The following CHCHD6 variants were observed in gnomAD, a reference collection of about 807,000 sequenced individuals.
CHCHD6 encodes the protein coiled-coil-helix-coiled-coil-helix domain containing 6.
A neutral mutation model predicts 32.3 loss-of-function variants in CHCHD6; 28 were observed. That is an observed-to-expected ratio of 0.87 (90% CI 0.64 to 1.19). The LOEUF (loss-of-function observed/expected upper bound fraction) is 1.19, where lower values mean the gene tolerates loss of function less well. Ranked by LOEUF, CHCHD6 falls within the 50% of genes most tolerant of loss-of-function variation. The pLI is 0.00. For synonymous variants in CHCHD6, 122 were observed against 117.5 expected, an observed-to-expected ratio of 1.04 and a Z score of -0.25; for missense variants, 333 against 307.0, an observed-to-expected ratio of 1.08 and a Z score of -0.63.
intron 4 of CHCHD6, among the ~76,000 whole-genome samples, chr3:126,761,652 A>G (rs1050207914): frequency 6.6e-6 from 1 of 151,918 alleles, no homozygotes; most frequent in African/African-American, 2.4e-5. Context: ...GTCTCAAACT[A>G]TTGGCTTTAA....
intron 6 of CHCHD6, among the ~76,000 whole-genome samples, chr3:126,936,762 C>T (rs1037853211): frequency 3.9e-5 from 6 of 152,152 alleles, no homozygotes; most frequent in African/African-American, 1.4e-4. Context: ...ACCATGTTGG[C>T]CAGGCTGGTC....
At chr3:126,764,423 C>T (rs1362964632) in intron 4 of CHCHD6, among the ~76,000 whole-genome samples, 3 of 152,062 alleles carry the variant, frequency 2.0e-5, no homozygotes, top group Admixed American at 6.6e-5. Flanking sequence ...GAGTACAAGA[C>T]GACCTTCCCC....
In CHCHD6 at chr3:126,798,204, G is replaced by A. The variant is rs556138554; in HGVS notation, c.412-54443G>A. 7.3e-4 allele frequency among the ~76,000 whole-genome samples: 111 copies of A among 152,284 alleles called. 1 individual carries two copies. Among genetic ancestry groups the A allele is most frequent in the Non-Finnish European group, 1.4e-3 (95 of 68,030 alleles). ...GGCCACTCGGGCTTCCTGGGCCAGG[G>A]TGTGAGAGGAGTGCTGAGTAGTGAG... On this transcript the variant is annotated intron_variant, in intron 4 of 7. Coordinates refer to ENST00000290913, the MANE Select transcript of CHCHD6 (RefSeq NM_032343.3).
At chr3:126,951,873 A>G (rs996363083) in intron 6 of CHCHD6, among the ~76,000 whole-genome samples, 5 of 152,238 alleles carry the variant, frequency 3.3e-5, no homozygotes, top group Non-Finnish European at 7.3e-5. Context: ...GTCTGGGTAC[A>G]GTCTAACTAG....
chr3:126,794,297 T>A (rs1038733717), intron 4 of CHCHD6, among the ~76,000 whole-genome samples: 5 of 148,140 alleles, frequency 3.4e-5, no homozygotes, highest in African/African-American at 1.2e-4. Context: ...TTGTATATAT[T>A]TATATATATA....
intron 4 of CHCHD6, among the ~76,000 whole-genome samples, chr3:126,803,657 G>A (rs544165552): frequency 3.9e-5 from 6 of 152,254 alleles, no homozygotes; most frequent in South Asian, 2.1e-4. Flanking sequence ...ACAGATCAAC[G>A]AGACAGAAAG....
chr3:126,784,670 C>G (rs1303926187), intron 4 of CHCHD6, among the ~76,000 whole-genome samples: 2 of 152,196 alleles, frequency 1.3e-5, no homozygotes, highest in Admixed American at 1.3e-4. Context: ...CAGGCATCCC[C>G]CAGTGTCAGC....
chr3:126,906,359 C>T (rs1191643817), intron 5 of CHCHD6, among the ~76,000 whole-genome samples: 2 of 152,260 alleles, frequency 1.3e-5, no homozygotes, highest in African/African-American at 4.8e-5. Context: ...AGCCAGCAGT[C>T]CTTCCAGAAT....
chr3:126,881,199 C>T (rs2077604671), intron 5 of CHCHD6, among the ~76,000 whole-genome samples: 1 of 152,266 alleles, frequency 6.6e-6, no homozygotes, highest in Admixed American at 6.5e-5. Flanking sequence ...GCCTCCCAGG[C>T]TTGCTCTGTA....
chr3:126,769,319 A>G (rs1262617212), intron 4 of CHCHD6, among the ~76,000 whole-genome samples: 1 of 152,016 alleles, frequency 6.6e-6, no homozygotes, highest in East Asian at 1.9e-4. Context: ...AGATTAGATG[A>G]TTCTTAGGTA....
Position 126,917,786 on chromosome 3 carries a change from C to G in CHCHD6, c.566+3036C>G, listed in dbSNP as rs186579603. ...GGGATTTGTGCCCTTATGAAAGGGACTCCAGAGAGCTCCCTTTCCTTTTCT... is the reference window on the plus strand; with the variant it reads ...GGGATTTGTGCCCTTATGAAAGGGAGTCCAGAGAGCTCCCTTTCCTTTTCT... On this transcript the variant is annotated intron_variant, in intron 6 of 7. Transcript: ENST00000290913. Among the ~76,000 whole-genome samples the G allele has an allele frequency of 4.5e-4, 68 of 152,200 alleles. No individual in the cohort carries two copies. In the East Asian group the frequency reaches 0.01, roughly 23 times the overall value.
intron 4 of CHCHD6, among the ~76,000 whole-genome samples, chr3:126,794,117 A>G (rs2107687352): frequency 1.3e-5 from 2 of 151,908 alleles, no homozygotes; most frequent in Admixed American, 1.3e-4. Context: ...TAGCTTCTTG[A>G]CTCTACAGGG....
chr3:126,874,029 C>T (rs1169153643), intron 5 of CHCHD6, among the ~76,000 whole-genome samples: 1 of 152,188 alleles, frequency 6.6e-6, no homozygotes, highest in Non-Finnish European at 1.5e-5. Context: ...GCCCCTGCCC[C>T]GCAGAACCCA....
chr3:126,815,648 C>CT (rs969519104), intron 4 of CHCHD6, among the ~76,000 whole-genome samples: 15 of 149,244 alleles, frequency 1.0e-4, no homozygotes, highest in Non-Finnish European at 1.8e-4. Flanking sequence ...TTCTTGCCCC[C>CT]CCCCCCCCAT....
intron 1 of CHCHD6, among the ~76,000 whole-genome samples, chr3:126,721,924 T>C (rs998328542): frequency 6.6e-6 from 1 of 152,220 alleles, no homozygotes; most frequent in Non-Finnish European, 1.5e-5. Flanking sequence ...GTGTCAGTAG[T>C]TCATTCCCTT....
At position 126,886,232 on chromosome 3, in the gene CHCHD6, CCT is replaced by C. The variant is rs141405174; in HGVS notation, c.496-28447_496-28446del. ...TAGATATAAAGCAACAGTAGTTTCC[CCT>C]GATTCACAAGTTCTCTTTTGGAGTT... On this transcript the variant is annotated intron_variant, in intron 5 of 7. Transcript: ENST00000290913. Among the ~76,000 whole-genome samples the C allele has an allele frequency of 6.0e-3, 915 of 152,314 alleles. 8 individuals are homozygous for C. The highest frequency in any genetic ancestry group is 0.021 in the African/African-American group (875 of 41,566).
intron 4 of CHCHD6, among the ~76,000 whole-genome samples, chr3:126,809,403 G>A (rs1406257860): frequency 6.6e-6 from 1 of 152,208 alleles, no homozygotes; most frequent in African/African-American, 2.4e-5. Context: ...GACATGCTCA[G>A]GATGTTGATT....
intron 4 of CHCHD6, among the ~76,000 whole-genome samples, chr3:126,798,855 T>G (rs1449773884): frequency 2.6e-5 from 4 of 152,160 alleles, no homozygotes; most frequent in Non-Finnish European, 5.9e-5. Flanking sequence ...GCTAAAAAGA[T>G]TTGTAGTTGC....
At chr3:126,906,984 C>G (rs2078017261) in intron 5 of CHCHD6, among the ~76,000 whole-genome samples, 1 of 152,116 alleles carries the variant, frequency 6.6e-6, no homozygotes, top group Non-Finnish European at 1.5e-5. Context: ...TGGGTGTGGG[C>G]AGAGGCATGC....
Sources: gnomAD v4.1 joint callset for allele counts (sites outside exome capture counted in the v4.1 genomes callset) on GRCh38, gnomAD v4.1.1 for gene constraint, MANE v1.5 for transcripts, NCBI Gene and HGNC (gene_info 2026-07-23, HGNC 2026-07-21) for gene names.